The following STK32C variants were observed in gnomAD, a reference collection of about 807,000 sequenced individuals.
The protein encoded by STK32C is serine/threonine-protein kinase 32C.
STK32C carries 31 observed loss-of-function variants against 56.5 expected under a neutral mutation model. The observed-to-expected ratio is 0.55, with a 90% CI of 0.41 to 0.74. The LOEUF (loss-of-function observed/expected upper bound fraction) is 0.74, where lower values mean the gene tolerates loss of function less well. Ranked by LOEUF, STK32C falls within the 30% of genes least tolerant of loss-of-function variation. The pLI, the probability that STK32C is intolerant of heterozygous loss-of-function variation, is 0.00. For missense variants in STK32C, 544 were observed against 676.9 expected, an observed-to-expected ratio of 0.80 and a Z score of 2.18; for synonymous variants, 309 against 289.4, an observed-to-expected ratio of 1.07 and a Z score of -0.69.
At chr10:132,295,230 A>C (rs2065701766) in intron 1 of STK32C, among the ~76,000 whole-genome samples, 1 of 152,200 alleles carries the variant, frequency 6.6e-6, no homozygotes, top group South Asian at 2.1e-4. Flanking sequence ...CAAGGAGCAC[A>C]ATGGGACCCA....
At chr10:132,312,648 G>C (rs1415386526), upstream of STK32C, among the ~76,000 whole-genome samples, 5 of 152,194 alleles carry the variant, frequency 3.3e-5, no homozygotes, top group African/African-American at 1.2e-4. Context: ...ATTCTTGGTG[G>C]CTCAATGCTG....
chr10:132,216,503 C>T (rs564662720), intron 10 of STK32C, among the ~76,000 whole-genome samples: 2 of 151,964 alleles, frequency 1.3e-5, no homozygotes, highest in Middle Eastern at 3.2e-3. Flanking sequence ...AAAGAAAACC[C>T]CATTTTCTGA....
intron 2 of STK32C, among the ~76,000 whole-genome samples, chr10:132,244,881 C>T (rs1005748315): frequency 9.9e-5 from 15 of 152,204 alleles, no homozygotes; most frequent in Admixed American, 9.8e-4. Context: ...CACCTCACCT[C>T]GATGGTCAAC....
At chr10:132,219,433 G>T (rs979935071) in intron 10 of STK32C, among the ~76,000 whole-genome samples, 1 of 152,142 alleles carries the variant, frequency 6.6e-6, no homozygotes, top group African/African-American at 2.4e-5. Context: ...AGCATGGCCA[G>T]CTGGGCTCTG....
At chr10:132,256,514 A>C (rs1480882936) in intron 1 of STK32C, among the ~76,000 whole-genome samples, 1 of 152,204 alleles carries the variant, frequency 6.6e-6, no homozygotes, top group East Asian at 1.9e-4. Flanking sequence ...CCTGATCAAT[A>C]CAGTATCTCC....
chr10:132,280,623 G>GATCACCACACTC (rs1564772912), intron 1 of STK32C, among the ~76,000 whole-genome samples: 8 of 103,300 alleles, frequency 7.7e-5, no homozygotes. Context: ...CCACGCCCCT[G>GATCACCACACTC]CACTCCGTGA....
intron 1 of STK32C, among the ~76,000 whole-genome samples, chr10:132,267,058 C>CTGCAG (rs2064564070): frequency 1.3e-5 from 2 of 152,214 alleles, no homozygotes; most frequent in Non-Finnish European, 2.9e-5. Context: ...AGACCCAAAG[C>CTGCAG]TGGGTCAGAA....
In STK32C at chr10:132,276,798, A is replaced by C. The variant is rs1160954206; in HGVS notation, c.262+30774T>G. On this transcript the variant is annotated intron_variant, in intron 1 of 11. Coordinates refer to ENST00000298630, the MANE Select transcript of STK32C (RefSeq NM_173575.4). ...AAGACCCTGCCTCAAAAAAAAAAAAACCCAATGTATCTTCTCCCAAGGTTT... is the reference window on the plus strand; with the variant it reads ...AAGACCCTGCCTCAAAAAAAAAAAACCCCAATGTATCTTCTCCCAAGGTTT... Among the ~76,000 whole-genome samples the C allele has an allele frequency of 2.8e-4, 42 of 151,204 alleles. 1 individual carries two copies. Among genetic ancestry groups the C allele is most frequent in the Admixed American group, 2.7e-3 (41 of 15,188 alleles).
At chr10:132,296,124 C>T (rs57802667) in intron 1 of STK32C, among the ~76,000 whole-genome samples, 14,971 of 148,538 alleles carry the variant, frequency 0.1, 951 homozygotes, top group African/African-American at 0.18. Context: ...CATTTACCTC[C>T]GTGGTCTTCC....
chr10:132,219,253 C>T (rs1334033315), intron 10 of STK32C, among the ~76,000 whole-genome samples: 1 of 152,196 alleles, frequency 6.6e-6, no homozygotes, highest in Non-Finnish European at 1.5e-5. Flanking sequence ...CCTCTCTCAG[C>T]CTCAAGGTTA....
upstream of STK32C, among the ~76,000 whole-genome samples, chr10:132,312,641 C>T (rs907020220): frequency 1.1e-4 from 16 of 152,172 alleles, no homozygotes; most frequent in African/African-American, 3.9e-4. Flanking sequence ...GGCAAGAATT[C>T]TTGGTGGCTC....
intron 1 of STK32C, among the ~76,000 whole-genome samples, chr10:132,290,819 C>T (rs1564782788): frequency 6.6e-6 from 1 of 152,086 alleles, no homozygotes; most frequent in Non-Finnish European, 1.5e-5. Context: ...CCCAGGGCTA[C>T]CATGCTCGAG....
chr10:132,282,209 C>T (rs998567032), intron 1 of STK32C, among the ~76,000 whole-genome samples: 9 of 152,218 alleles, frequency 5.9e-5, no homozygotes, highest in South Asian at 2.1e-4. Flanking sequence ...CCAACCAGCC[C>T]GCACCACGCC....
chr10:132,306,199 C>T (rs1201597235), intron 1 of STK32C, among the ~76,000 whole-genome samples: 2 of 152,236 alleles, frequency 1.3e-5, no homozygotes, highest in Non-Finnish European at 2.9e-5. Flanking sequence ...CCCAGAAGAG[C>T]AGCCAGCTCT....
At chr10:132,291,740 G>A (rs2065571161) in intron 1 of STK32C, among the ~76,000 whole-genome samples, 1 of 151,880 alleles carries the variant, frequency 6.6e-6, no homozygotes, top group Non-Finnish European at 1.5e-5. Context: ...TCAGGTCCCA[G>A]AGACCCCATC....
At chr10:132,229,156 G>C (rs2063005207) in intron 2 of STK32C, among the ~76,000 whole-genome samples, 1 of 152,236 alleles carries the variant, frequency 6.6e-6, no homozygotes, top group Non-Finnish European at 1.5e-5. Flanking sequence ...GAGCAGCAGA[G>C]CTAACCCCTG....
intron 1 of STK32C, among the ~76,000 whole-genome samples, chr10:132,257,527 C>T (rs768165605): frequency 5.3e-5 from 8 of 151,974 alleles, no homozygotes; most frequent in Middle Eastern, 3.2e-3. Flanking sequence ...AAGAGATGGG[C>T]GGGGCGGAGC....
intron 2 of STK32C, among the ~76,000 whole-genome samples, chr10:132,239,133 A>G (rs1175162686): frequency 6.6e-6 from 1 of 152,232 alleles, no homozygotes; most frequent in Non-Finnish European, 1.5e-5. Context: ...CACAATCCTG[A>G]GAGCCACAGG....
At chr10:132,235,474 A>G in intron 2 of STK32C, among the ~76,000 whole-genome samples, 1 of 141,040 alleles carries the variant, frequency 7.1e-6, no homozygotes, top group African/African-American at 2.6e-5. Context: ...CCAGCCTGGC[A>G]ACAGAGCAAG....
Sources: allele counts gnomAD v4.1 joint callset (sites outside exome capture counted in the v4.1 genomes callset), GRCh38; gene constraint gnomAD v4.1.1; transcripts MANE v1.5; gene names NCBI Gene and HGNC (gene_info 2026-07-23, HGNC 2026-07-21).